Variants in PTPRD observed in about 807,000 individuals in gnomAD.
PTPRD encodes the protein receptor-type tyrosine-protein phosphatase delta.
A neutral mutation model predicts 214.5 loss-of-function variants in PTPRD; 34 were observed. The observed-to-expected ratio is 0.16, with a 90% CI of 0.12 to 0.21. The LOEUF (loss-of-function observed/expected upper bound fraction) is 0.21, where lower values mean the gene tolerates loss of function less well. PTPRD is among the 10% of genes least tolerant of loss of function. The pLI is 1.00. For synonymous variants in PTPRD, 1,128 were observed against 845.7 expected (o/e 1.33, Z -5.79); for missense variants, 2,545 against 2,398.7 (o/e 1.06, Z -1.27).
intron 3 of PTPRD, among the ~76,000 whole-genome samples, chr9:10,055,187 C>T (rs2097605480): frequency 6.6e-6 from 1 of 152,016 alleles, no homozygotes; most frequent in South Asian, 2.1e-4. Flanking sequence ...TTTACGCCAC[C>T]TAGTACATGG....
At chr9:9,654,671 G>A (rs1273618436) in intron 7 of PTPRD, among the ~76,000 whole-genome samples, 1 of 152,114 alleles carries the variant, frequency 6.6e-6, no homozygotes, top group Non-Finnish European at 1.5e-5. Context: ...CTGTCCTCAG[G>A]TTAAAATATT....
intron 2 of PTPRD, among the ~76,000 whole-genome samples, chr9:10,427,205 C>A (rs72698988): frequency 6.6e-6 from 1 of 152,040 alleles, no homozygotes; most frequent in Non-Finnish European, 1.5e-5. Flanking sequence ...GGTGGCCATG[C>A]TTTTGGCCAG....
At chr9:10,324,030 A>G (rs930955011) in intron 3 of PTPRD, among the ~76,000 whole-genome samples, 1 of 152,076 alleles carries the variant, frequency 6.6e-6, no homozygotes, top group Admixed American at 6.5e-5. Flanking sequence ...CAGAACCTGG[A>G]AACATTTAAA....
At chr9:8,653,682 G>C (rs566774520) in intron 12 of PTPRD, among the ~76,000 whole-genome samples, 61 of 152,176 alleles carry the variant, frequency 4.0e-4, no homozygotes, top group African/African-American at 1.4e-3. Flanking sequence ...CTACTCTCCA[G>C]CAATCAGCAC....
chr9:8,839,112 A>G (rs1434175504), intron 11 of PTPRD, among the ~76,000 whole-genome samples: 1 of 152,128 alleles, frequency 6.6e-6, no homozygotes. Flanking sequence ...ACTAATGAAT[A>G]AAAACCCTTA....
chr9:9,224,940 C>A (rs955410897), intron 9 of PTPRD, among the ~76,000 whole-genome samples: 1 of 151,926 alleles, frequency 6.6e-6, no homozygotes, highest in Non-Finnish European at 1.5e-5. Context: ...CCCAAAAAAT[C>A]AGTTTGATAA....
chr9:9,200,997 C>T (rs924919465), intron 9 of PTPRD, among the ~76,000 whole-genome samples: 9 of 152,226 alleles, frequency 5.9e-5, no homozygotes, highest in South Asian at 4.1e-4. Context: ...CTGTTCTAAA[C>T]ACCGTTTTAC....
chr9:8,899,612 G>A (rs970602916), intron 11 of PTPRD, among the ~76,000 whole-genome samples: 2 of 152,188 alleles, frequency 1.3e-5, no homozygotes, highest in African/African-American at 4.8e-5. Context: ...AGGAGCAGTT[G>A]TGGGAAGGTT....
At chr9:9,910,543 G>A (rs2078899237) in intron 5 of PTPRD, among the ~76,000 whole-genome samples, 1 of 151,876 alleles carries the variant, frequency 6.6e-6, no homozygotes, top group Non-Finnish European at 1.5e-5. Flanking sequence ...AGCTTTTCTA[G>A]TACAAAGTAT....
intron 8 of PTPRD, among the ~76,000 whole-genome samples, chr9:9,496,366 A>G (rs1240442136): frequency 1.3e-5 from 2 of 152,064 alleles, no homozygotes; most frequent in Admixed American, 6.6e-5. Flanking sequence ...TCTATAGAGA[A>G]CTCCTAAAAC....
chr9:10,180,781 A>G (rs2099277922), intron 3 of PTPRD, among the ~76,000 whole-genome samples: 1 of 151,980 alleles, frequency 6.6e-6, no homozygotes, highest in African/African-American at 2.4e-5. Context: ...TATAAATGTA[A>G]ATATTTACAT....
chr9:8,790,809 T>G (rs1202603632), intron 11 of PTPRD, among the ~76,000 whole-genome samples: 1 of 150,632 alleles, frequency 6.6e-6, no homozygotes, highest in Non-Finnish European at 1.5e-5. Context: ...AATGTTGTAC[T>G]TTATTCTATA....
At position 8,319,830 on chromosome 9, in the gene PTPRD, C is replaced by T. The variant is rs2130696774; in HGVS notation, c.5670+1G>A. 1.2e-6 allele frequency: 2 copies of T among 1,612,394 alleles called. No individual in the cohort carries two copies. Among genetic ancestry groups the T allele is most frequent in the Non-Finnish European group, 8.5e-7 (1 of 1,179,160 alleles). ...GCGAAAAATGCAATGGATTTTCTCA[C>T]CTCTGTCTGTACCATAGCTGGTCGT... On this transcript the variant is annotated splice_donor_variant, in intron 45 of 45. Coordinates refer to ENST00000381196, the MANE Select transcript of PTPRD (RefSeq NM_002839.4). LOFTEE classifies it high-confidence loss of function.
chr9:10,231,987 A>AGTGTGTGTGTGTGT (rs1352673296), intron 3 of PTPRD, among the ~76,000 whole-genome samples: 54 of 97,774 alleles, frequency 5.5e-4, no homozygotes, highest in Middle Eastern at 5.2e-3. Flanking sequence ...AGAGAGAGAG[A>AGTGTGTGTGTGTGT]GAGTGTGTGT....
At chr9:9,598,173 G>A (rs2093498287) in intron 7 of PTPRD, among the ~76,000 whole-genome samples, 1 of 151,866 alleles carries the variant, frequency 6.6e-6, no homozygotes, top group Non-Finnish European at 1.5e-5. Context: ...TGGCACAGAG[G>A]TACAAGAATA....
intron 3 of PTPRD, among the ~76,000 whole-genome samples, chr9:10,067,161 A>T (rs1487587041): frequency 6.6e-6 from 1 of 151,944 alleles, no homozygotes; most frequent in East Asian, 1.9e-4. Context: ...CATATAAAAC[A>T]AAATAATCAA....
At chr9:9,043,347 T>G (rs2099649997) in intron 10 of PTPRD, among the ~76,000 whole-genome samples, 2 of 152,158 alleles carry the variant, frequency 1.3e-5, no homozygotes, top group Admixed American at 6.6e-5. Context: ...AAGAGCACCT[T>G]TGTTAGTCTA....
rs569428922 is a variant in PTPRD, at chr9:10,206,411, C to T, written c.-545+134552G>A. ...AGCCAACTCCCTCCCAATAGACATA[C>T]ATTTGATAAAACCCCACTACTGACA... On this transcript the variant is annotated intron_variant, in intron 3 of 45. Transcript: ENST00000381196. Among the ~76,000 whole-genome samples, 158 of 152,272 alleles carry T rather than the reference C, an allele frequency of 1.0e-3. 1 individual carries two copies. The highest frequency in any genetic ancestry group is 3.6e-3 in the African/African-American group (151 of 41,562).
chr9:8,637,893 T>G (rs2096481326), intron 12 of PTPRD, among the ~76,000 whole-genome samples: 1 of 152,102 alleles, frequency 6.6e-6, no homozygotes, highest in Non-Finnish European at 1.5e-5. Context: ...AAAAGCATAC[T>G]ACAGAGTTAT....
Sources: allele counts gnomAD v4.1 joint callset (sites outside exome capture counted in the v4.1 genomes callset), GRCh38; gene constraint gnomAD v4.1.1; transcripts MANE v1.5; gene names NCBI Gene and HGNC (gene_info 2026-07-23, HGNC 2026-07-21).